Variants in CACNA1A observed in about 807,000 individuals in gnomAD.
CACNA1A encodes the protein calcium voltage-gated channel subunit alpha1 A.
CACNA1A carries 57 observed loss-of-function variants against 262.4 expected under a neutral mutation model. The ratio of observed to expected loss-of-function variants is 0.22; its 90% confidence interval spans 0.18 to 0.27. The LOEUF (loss-of-function observed/expected upper bound fraction) is 0.27. Among genes scored for constraint, CACNA1A ranks in the 10% least tolerant of loss-of-function variants. CACNA1A has a pLI of 1.00. For synonymous variants in CACNA1A, 1,431 were observed against 1,419.3 expected, an observed-to-expected ratio of 1.01 and a Z score of -0.18; for missense variants, 2,526 against 3,562.8, an observed-to-expected ratio of 0.71 and a Z score of 7.41.
chr19:13,486,816 A>T (rs1012066555), intron 1 of CACNA1A, among the ~76,000 whole-genome samples: 1 of 145,968 alleles, frequency 6.9e-6, no homozygotes. Flanking sequence ...CTCCCCTTCC[A>T]TCTCTGTCTC....
At chr19:13,297,098 T>C (rs2057680308) in intron 19 of CACNA1A, among the ~76,000 whole-genome samples, 1 of 152,138 alleles carries the variant, frequency 6.6e-6, no homozygotes, top group African/African-American at 2.4e-5. Flanking sequence ...ATGCTCTAAA[T>C]TTACCGAGCA....
In CACNA1A at chr19:13,438,009, T is replaced by C. The variant is rs56307165; in HGVS notation, c.539+14867A>G. On this transcript the variant is annotated intron_variant, in intron 3 of 46. Coordinates refer to ENST00000360228, the MANE Select transcript of CACNA1A (RefSeq NM_001127222.2). ...ACTCAGATATCACAGTGAGATTTGA[T>C]AAAAGCTGGAAGCATCTGAGGAGGC... 3.7e-3 allele frequency among the ~76,000 whole-genome samples: 559 copies of C among 152,318 alleles called. 3 individuals carry two copies. Among genetic ancestry groups the C allele is most frequent in the African/African-American group, 0.012 (504 of 41,574 alleles).
chr19:13,424,260 T>A (rs1388330780), intron 3 of CACNA1A, among the ~76,000 whole-genome samples: 2 of 151,972 alleles, frequency 1.3e-5, no homozygotes, highest in Non-Finnish European at 2.9e-5. Flanking sequence ...TCCCAGCTAC[T>A]CAGGAGGCTG....
At chr19:13,494,650 G>C (rs755074213) in intron 1 of CACNA1A, among the ~76,000 whole-genome samples, 1 of 152,188 alleles carries the variant, frequency 6.6e-6, no homozygotes, top group Non-Finnish European at 1.5e-5. Flanking sequence ...ATAAAGAAAA[G>C]AGGTTCAATT....
intron 31 of CACNA1A, among the ~76,000 whole-genome samples, chr19:13,240,631 TGCAGTGTCTGC>T (rs981163775): frequency 2.0e-5 from 3 of 150,894 alleles, no homozygotes; most frequent in African/African-American, 7.3e-5. Flanking sequence ...GCAGTGTGTG[TGCAGTGTCTGC>T]GCAGTGACTG....
At chr19:13,453,056 C>A in intron 2 of CACNA1A, 41 bp from the exon 3 acceptor site, 1 of 1,610,442 alleles carries the variant, frequency 6.2e-7, no homozygotes, top group Non-Finnish European at 8.5e-7. Context: ...TTGGGCTGGG[C>A]AGATGTTGAC....
intron 6 of CACNA1A, among the ~76,000 whole-genome samples, chr19:13,336,505 C>G (rs983580963): frequency 6.7e-6 from 1 of 148,830 alleles, no homozygotes; most frequent in Non-Finnish European, 1.5e-5. Context: ...AAATAGAACA[C>G]TATAGCAAGA....
intron 6 of CACNA1A, among the ~76,000 whole-genome samples, chr19:13,343,929 G>A (rs976732152): frequency 3.9e-5 from 6 of 152,120 alleles, no homozygotes; most frequent in Admixed American, 3.9e-4. Context: ...AAAAAACAGA[G>A]GCCAGATGTG....
At position 13,307,844 on chromosome 19, in the gene CACNA1A, C is replaced by T. The variant is rs2057938033; in HGVS notation, c.1924G>A (p.Asp642Asn). 1.9e-6 allele frequency: 3 copies of T among 1,613,860 alleles called. No homozygotes were observed. The highest frequency in any genetic ancestry group is 1.7e-6 in the Non-Finnish European group (2 of 1,179,782). The change falls in exon 15 of 47, where the codon GAT becomes AAT. Residue 642 changes from aspartate to asparagine, a missense_variant. By Grantham distance (23) the Asp-to-Asn change is conservative. Around this residue, in one of 17 missense-constraint regions of CACNA1A, gnomAD observed 102 missense variants for 278.9 expected, o/e 0.37. Coordinates refer to ENST00000360228, the MANE Select transcript of CACNA1A (RefSeq NM_001127222.2). Reference sequence around the variant, plus strand: ...AAGTTGGTGGGAGGAGTCCCTTCATCGAAATTAAACCTGCAGGGAGGACAC... The same window carrying T: ...AAGTTGGTGGGAGGAGTCCCTTCATTGAAATTAAACCTGCAGGGAGGACAC... ...MQLFGGQFNF[D>N]EGTPPTNFDT...
intron 3 of CACNA1A, among the ~76,000 whole-genome samples, chr19:13,414,028 A>G (rs564283497): frequency 1.3e-5 from 2 of 152,206 alleles, no homozygotes; most frequent in Non-Finnish European, 2.9e-5. Flanking sequence ...AGCAGATAGA[A>G]GCCTGGGCAA....
intron 6 of CACNA1A, among the ~76,000 whole-genome samples, chr19:13,336,779 A>G (rs1275979553): frequency 6.6e-6 from 1 of 152,176 alleles, no homozygotes; most frequent in Non-Finnish European, 1.5e-5. Context: ...ACTATTGAGG[A>G]AACTGAGGCT....
At chr19:13,232,909 C>T (rs889091736) in intron 34 of CACNA1A, among the ~76,000 whole-genome samples, 12 of 148,368 alleles carry the variant, frequency 8.1e-5, no homozygotes, top group Admixed American at 1.3e-4. Context: ...ATTAGCTGGG[C>T]GTGGTGACGG....
intron 6 of CACNA1A, among the ~76,000 whole-genome samples, chr19:13,357,209 C>T (rs544516054): frequency 4.6e-5 from 7 of 152,210 alleles, no homozygotes; most frequent in East Asian, 1.9e-4. Flanking sequence ...CCATTTATGC[C>T]GGAGGTTGCA....
chr19:13,408,755 G>A (rs2060057114), intron 3 of CACNA1A, among the ~76,000 whole-genome samples: 1 of 152,120 alleles, frequency 6.6e-6, no homozygotes, highest in African/African-American at 2.4e-5. Flanking sequence ...GTCCCAAAGG[G>A]GAGACAGTAG....
chr19:13,480,061 C>T (rs1391172321), intron 1 of CACNA1A, among the ~76,000 whole-genome samples: 1 of 152,174 alleles, frequency 6.6e-6, no homozygotes, highest in African/African-American at 2.4e-5. Context: ...ATTTTCTGAT[C>T]CCCGTACTAT....
intron 3 of CACNA1A, among the ~76,000 whole-genome samples, chr19:13,417,815 G>A (rs1344010026): frequency 2.0e-5 from 3 of 150,998 alleles, no homozygotes; most frequent in African/African-American, 2.4e-5. Flanking sequence ...GCTTGAACCC[G>A]GGAGGTGGAG....
intron 3 of CACNA1A, among the ~76,000 whole-genome samples, chr19:13,395,932 C>T (rs966356540): frequency 6.6e-6 from 1 of 152,222 alleles, no homozygotes; most frequent in Non-Finnish European, 1.5e-5. Flanking sequence ...TTTCCCCACT[C>T]AGTCTATTAG....
rs561858384 is a variant in CACNA1A at position 13,317,306 on chromosome 19, C to T, written c.1361G>A (p.Arg454Gln). Residue 454 changes from arginine to glutamine, a missense_variant, in exon 11 of 47, where the codon CGA becomes CAA. Coordinates refer to ENST00000360228, the MANE Select transcript of CACNA1A (RefSeq NM_001127222.2). ...CAGCTTGGCACTTTTAATGCTGGCT[C>T]GGGCGAAGGGAGAACCTGCCAGGGA... ...DIASVGSPFA[R>Q]ASIKSAKLEN... The T allele has an allele frequency of 9.1e-5, 146 of 1,605,006 alleles. No homozygotes were observed. Among genetic ancestry groups the T allele is most frequent in the Middle Eastern group, 1.7e-4 (1 of 5,986 alleles).
At chr19:13,374,309 G>A (rs944843802) in intron 3 of CACNA1A, among the ~76,000 whole-genome samples, 1 of 152,160 alleles carries the variant, frequency 6.6e-6, no homozygotes, top group Non-Finnish European at 1.5e-5. Context: ...GTATAGTGGT[G>A]CAACAACAGC....
Sources: allele counts gnomAD v4.1 joint callset (sites outside exome capture counted in the v4.1 genomes callset), GRCh38; gene constraint gnomAD v4.1.1; regional missense constraint gnomAD v4.1.1; transcripts MANE v1.5; gene names NCBI Gene and HGNC (gene_info 2026-07-23, HGNC 2026-07-21).